The following LRRTM4 variants were observed in gnomAD, a reference collection of about 807,000 sequenced individuals.
The protein encoded by LRRTM4 is leucine-rich repeat transmembrane neuronal protein 4.
A neutral mutation model predicts 47.6 loss-of-function variants in LRRTM4; 25 were observed. That is an observed-to-expected ratio of 0.53 (90% CI 0.38 to 0.73). The LOEUF (loss-of-function observed/expected upper bound fraction) is 0.73, where lower values mean the gene tolerates loss of function less well. Ranked by LOEUF, LRRTM4 falls within the 30% of genes least tolerant of loss-of-function variation. The probability of loss-of-function intolerance (pLI) is 0.00; values close to 1 mark genes in which losing one functional copy is unlikely to be tolerated. For missense variants in LRRTM4, 638 were observed against 713.4 expected, an observed-to-expected ratio of 0.89 and a Z score of 1.20; for synonymous variants, 311 against 269.5, an observed-to-expected ratio of 1.15 and a Z score of -1.51.
At chr2:77,163,848 C>A (rs1341322253) in intron 3 of LRRTM4, among the ~76,000 whole-genome samples, 4 of 152,106 alleles carry the variant, frequency 2.6e-5, no homozygotes, top group African/African-American at 9.7e-5. Context: ...CCAGCCACTG[C>A]AAAAACATGC....
At chr2:77,067,148 A>C (rs1046846433) in intron 3 of LRRTM4, among the ~76,000 whole-genome samples, 35 of 152,224 alleles carry the variant, frequency 2.3e-4, no homozygotes, top group Non-Finnish European at 1.2e-4. Flanking sequence ...AAATAAGCAA[A>C]GTGAGTATCT....
At chr2:77,089,451 C>T (rs1204582646) in intron 3 of LRRTM4, among the ~76,000 whole-genome samples, 2 of 151,672 alleles carry the variant, frequency 1.3e-5, no homozygotes, top group African/African-American at 4.8e-5. Context: ...TATCTCTGTG[C>T]CCCAATCCCT....
At chr2:77,058,893 T>C (rs1679695301) in intron 3 of LRRTM4, among the ~76,000 whole-genome samples, 1 of 152,166 alleles carries the variant, frequency 6.6e-6, no homozygotes, top group African/African-American at 2.4e-5. Flanking sequence ...ACAGTAAGTC[T>C]TGGTTTTAAT....
intron 3 of LRRTM4, among the ~76,000 whole-genome samples, chr2:77,174,693 C>T (rs141811269): frequency 7.9e-5 from 12 of 152,054 alleles, no homozygotes; most frequent in African/African-American, 2.7e-4. Flanking sequence ...ATGTGCACAA[C>T]GTGCAGGTTT....
intron 3 of LRRTM4, among the ~76,000 whole-genome samples, chr2:76,771,164 C>T (rs1322150106): frequency 6.6e-6 from 1 of 152,120 alleles, no homozygotes; most frequent in Non-Finnish European, 1.5e-5. Flanking sequence ...GTTGAAAATA[C>T]AGTGACACAA....
intron 3 of LRRTM4, among the ~76,000 whole-genome samples, chr2:76,819,274 A>AT (rs1670989383): frequency 6.6e-6 from 1 of 151,786 alleles, no homozygotes; most frequent in South Asian, 2.1e-4. Context: ...AGATGTTAAT[A>AT]TTTTTCTCAT....
chr2:77,400,418 G>GT (rs1415767130), intron 3 of LRRTM4, among the ~76,000 whole-genome samples: 2 of 151,690 alleles, frequency 1.3e-5, no homozygotes, highest in African/African-American at 4.8e-5. Context: ...ATCAGCTCGT[G>GT]TAAGTGGTTT....
At chr2:76,838,185 AAAGTC>A (rs1211906470) in intron 3 of LRRTM4, among the ~76,000 whole-genome samples, 2 of 152,030 alleles carry the variant, frequency 1.3e-5, no homozygotes, top group Non-Finnish European at 2.9e-5. Context: ...AAGTCTCATT[AAAGTC>A]AAGAAATTAA....
intron 3 of LRRTM4, among the ~76,000 whole-genome samples, chr2:76,771,202 G>T (rs1482961672): frequency 6.6e-6 from 1 of 152,140 alleles, no homozygotes; most frequent in Non-Finnish European, 1.5e-5. Context: ...TCAATTCAAA[G>T]AAATGATTAA....
intron 3 of LRRTM4, among the ~76,000 whole-genome samples, chr2:76,979,242 G>T (rs141435283): frequency 1.3e-5 from 2 of 151,988 alleles, no homozygotes; most frequent in African/African-American, 4.8e-5. Context: ...TTCTGCATGA[G>T]TAAGTGTACA....
At chr2:77,514,610 G>A (rs1290749328) in intron 3 of LRRTM4, among the ~76,000 whole-genome samples, 1 of 151,926 alleles carries the variant, frequency 6.6e-6, no homozygotes, top group African/African-American at 2.4e-5. Flanking sequence ...AGCACTGTTA[G>A]CACTATAGGA....
intron 3 of LRRTM4, among the ~76,000 whole-genome samples, chr2:76,996,464 G>T (rs779798369): frequency 6.6e-6 from 1 of 151,944 alleles, no homozygotes; most frequent in African/African-American, 2.4e-5. Context: ...ATTAAGCGAG[G>T]TTACTTCTTT....
intron 3 of LRRTM4, among the ~76,000 whole-genome samples, chr2:77,514,158 T>C (rs1356243848): frequency 1.3e-5 from 2 of 151,966 alleles, no homozygotes; most frequent in African/African-American, 4.8e-5. Flanking sequence ...GTTTCAATCA[T>C]AACATTGTAC....
chr2:76,931,432 G>T (rs962277577), intron 3 of LRRTM4, among the ~76,000 whole-genome samples: 1 of 152,150 alleles, frequency 6.6e-6, no homozygotes, highest in Non-Finnish European at 1.5e-5. Context: ...ACCTTGGGTT[G>T]TACAGTCTTC....
chr2:76,858,364 G>A (rs1336445754), intron 3 of LRRTM4, among the ~76,000 whole-genome samples: 1 of 152,176 alleles, frequency 6.6e-6, no homozygotes, highest in Non-Finnish European at 1.5e-5. Context: ...CCGACCTGAA[G>A]TCAAACAGAA....
At chr2:76,873,461 C>CATGT (rs201658703) in intron 3 of LRRTM4, among the ~76,000 whole-genome samples, 1 of 118,088 alleles carries the variant, frequency 8.5e-6, no homozygotes, top group Non-Finnish European at 1.8e-5. Context: ...ATATATATAA[C>CATGT]GTGTGTGTGT....
chr2:76,973,594 A>G (rs1473124672), intron 3 of LRRTM4, among the ~76,000 whole-genome samples: 1 of 151,992 alleles, frequency 6.6e-6, no homozygotes, highest in African/African-American at 2.4e-5. Context: ...GAGGTATTGC[A>G]GACCATATTA....
At chr2:76,915,798 A>T (rs964004015) in intron 3 of LRRTM4, among the ~76,000 whole-genome samples, 1 of 152,172 alleles carries the variant, frequency 6.6e-6, no homozygotes, top group South Asian at 2.1e-4. Flanking sequence ...TAGTTATAAG[A>T]AAGTGAAGAA....
At chr2:76,903,935 G>A (rs1434701758) in intron 3 of LRRTM4, among the ~76,000 whole-genome samples, 1 of 152,172 alleles carries the variant, frequency 6.6e-6, no homozygotes, top group South Asian at 2.1e-4. Context: ...AGAAATTAAA[G>A]AAAACACTTC....
Sources: allele counts gnomAD v4.1 joint callset (sites outside exome capture counted in the v4.1 genomes callset), GRCh38; gene constraint gnomAD v4.1.1; transcripts MANE v1.5; gene names NCBI Gene and HGNC (gene_info 2026-07-23, HGNC 2026-07-21).